The following MDN1 variants were observed in gnomAD, a reference collection of about 807,000 sequenced individuals.
The protein encoded by MDN1 is midasin.
In MDN1, 266 loss-of-function variants were observed where a neutral mutation model predicts 669.2. The observed-to-expected ratio is 0.40, with a 90% CI of 0.36 to 0.44. The LOEUF (loss-of-function observed/expected upper bound fraction) is 0.44, where lower values mean the gene tolerates loss of function less well. Ranked by LOEUF, MDN1 falls within the 20% of genes least tolerant of loss-of-function variation. The pLI is 1.00. For synonymous variants in MDN1, 2,385 were observed against 2,457.1 expected (o/e 0.97, Z 0.87); for missense variants, 5,940 against 6,754.0 (o/e 0.88, Z 4.22).
chr6:89,815,338 GC>G (rs1302464962), intron 1 of MDN1: 2 of 477,470 alleles, frequency 4.2e-6, no homozygotes, highest in Admixed American at 4.6e-5. Context: ...GCTGGATGAA[GC>G]CATTATGGCG....
At chr6:89,644,463 T>G (rs1808352212) in intron 101 of MDN1, among the ~76,000 whole-genome samples, 1 of 152,170 alleles carries the variant, frequency 6.6e-6, no homozygotes, top group Non-Finnish European at 1.5e-5. Flanking sequence ...CAGTGGTGTC[T>G]CCCCATCATC....
intron 50 of MDN1, 120 bp from the exon 51 acceptor site, chr6:89,708,748 A>T (rs1813686997): frequency 1.9e-6 from 2 of 1,059,576 alleles, no homozygotes; most frequent in Non-Finnish European, 2.8e-6. Flanking sequence ...GATGGGGAAG[A>T]GGTTGAACCA....
intron 36 of MDN1, 67 bp from the exon 37 acceptor site, chr6:89,728,022 T>A: frequency 6.6e-7 from 1 of 1,515,014 alleles, no homozygotes; most frequent in Non-Finnish European, 8.9e-7. Flanking sequence ...TCTAACACCC[T>A]AAATCTGAAA....
chr6:89,752,399 G>A (rs567597013), intron 22 of MDN1, among the ~76,000 whole-genome samples: 1 of 152,244 alleles, frequency 6.6e-6, no homozygotes, highest in Non-Finnish European at 1.5e-5. Flanking sequence ...ACAATTTACC[G>A]AAAGTATTTA....
In MDN1 at chr6:89,644,162, A is replaced by C; in HGVS notation, c.16634T>G (p.Phe5545Cys). ...DSILDIKVPI[F>C]KGPGEMPEIR... The stretch of plus-strand genomic sequence containing the variant: ...TTCAGGCATCTCTCCAGGTCCTTTA[A>C]ATATCGGTACTTTAATGTCCAAGAT... The change falls in exon 102 of 102, where the codon TTT (phenylalanine) becomes TGT (cysteine). Residue 5545 changes from phenylalanine (F) to cysteine (C), a missense_variant. By Grantham distance (205) the Phe-to-Cys change is radical. Transcript: ENST00000369393. 6.2e-7 allele frequency: 1 copy of C among 1,612,670 alleles called. No individual in the cohort carries two copies. The highest frequency in any genetic ancestry group is 8.5e-7 in the Non-Finnish European group (1 of 1,179,556).
intron 68 of MDN1, 82 bp downstream of exon 68, chr6:89,687,262 A>G: frequency 7.4e-7 from 1 of 1,347,542 alleles, no homozygotes; most frequent in South Asian, 1.3e-5. Context: ...GTAATACTAT[A>G]TAAATCCTAA....
In MDN1 at chr6:89,694,118, G is replaced by T. The variant is rs781028589; in HGVS notation, c.9837C>A (p.Asp3279Glu). The change falls in exon 62 of 102, where the codon GAC (aspartate) becomes GAA (glutamate). Residue 3279 changes from aspartate to glutamate, a missense_variant. Physicochemically the swap from Asp to Glu is conservative, Grantham distance 45 (BLOSUM62 2). Transcript: ENST00000369393. Reference sequence around the variant, plus strand: ...AGCTGACAACGACTTCATCTTCCAGGTCTCTTCCAGTCTGCAGCTGGGATG... The same window carrying T: ...AGCTGACAACGACTTCATCTTCCAGTTCTCTTCCAGTCTGCAGCTGGGATG... Reference protein sequence around the residue: ...NLSSQLQTGRDLEDEVVVSYS... With the variant: ...NLSSQLQTGRELEDEVVVSYS... The T allele has an allele frequency of 1.6e-5, 26 of 1,614,066 alleles. No individual in the cohort carries two copies. The highest frequency in any genetic ancestry group is 2.1e-5 in the Non-Finnish European group (25 of 1,180,034).
Position 89,674,526 on chromosome 6 carries a change from C to A in MDN1, c.12825G>T (p.Val4275=). Residue 4275 remains valine, a synonymous_variant, in exon 79 of 102, where the codon GTG becomes GTT. Transcript: ENST00000369393. ...GCACGCCATCCTGAGGGGGGAAGGC[C>A]ACGGGGTAGGCCTGGGGCCCCATCA... The part of the protein sequence containing the change: ...SRLMGPQAYP[V]AFPPQDGVQQ... 1.9e-6 allele frequency: 3 copies of A among 1,606,418 alleles called. No individual in the cohort carries two copies. Among genetic ancestry groups the A allele is most frequent in the Non-Finnish European group, 2.5e-6 (3 of 1,179,356 alleles).
intron 45 of MDN1, 92 bp from the exon 46 acceptor site, chr6:89,714,843 A>G (rs894620758): frequency 4.0e-6 from 4 of 993,314 alleles, no homozygotes; most frequent in African/African-American, 3.3e-5. Flanking sequence ...GGCAAATCCT[A>G]TGTGGCTCAT....
chr6:89,776,854 A>G (rs1359430792), intron 11 of MDN1, among the ~76,000 whole-genome samples, 159 bp from the exon 12 acceptor site: 1 of 152,224 alleles, frequency 6.6e-6, no homozygotes, highest in African/African-American at 2.4e-5. Flanking sequence ...CCCAGGACTG[A>G]GGACCTGACC....
Position 89,667,885 on chromosome 6 carries a change from A to G in MDN1, c.14094+129T>C, listed in dbSNP as rs1810373868. On this transcript the variant is annotated intron_variant, in intron 84 of 101. Transcript: ENST00000369393. The stretch of plus-strand genomic sequence containing the variant: ...TTACACCCACTGCCGAAGCACCAAT[A>G]TATCTAGGGCTCTGTAGATCACAGA... 3.7e-6 allele frequency: 4 copies of G among 1,084,334 alleles called. No individual in the cohort carries two copies. The South Asian group carries it at 1.2e-4, about 32-fold the overall frequency. 67.2% of individuals were successfully genotyped at this position (1,084,334 alleles called of 1,614,324 possible).
intron 1 of MDN1, among the ~76,000 whole-genome samples, chr6:89,809,597 G>A (rs547421899): frequency 2.6e-5 from 4 of 151,798 alleles, no homozygotes; most frequent in Admixed American, 6.6e-5. Flanking sequence ...CCAACATAGC[G>A]AAACCCCATC....
chr6:89,740,930 T>C (rs985269886), intron 31 of MDN1, among the ~76,000 whole-genome samples: 1 of 152,176 alleles, frequency 6.6e-6, no homozygotes, highest in African/African-American at 2.4e-5. Context: ...ATGATGGAAA[T>C]GTTGTAAAAC....
rs372939067 is a variant in MDN1, at chr6:89,676,153, G to A, written c.12594C>T (p.Arg4198=). The A allele has an allele frequency of 8.7e-6, 14 of 1,614,090 alleles. No individual in the cohort carries two copies. Among genetic ancestry groups the A allele is most frequent in the African/African-American group, 5.3e-5 (4 of 74,936 alleles). The change falls in exon 77 of 102, where the codon CGC becomes CGT. Residue 4198 remains arginine, a synonymous_variant. Transcript: ENST00000369393. ...TAAGCCTGGCATGCCGTGCAAGAGA[G>A]CGATAAAAATACTTCTGGCATCCAT... The part of the protein sequence containing the change: ...SWDGCQKYFY[R]SLARHARLNA...
At chr6:89,799,918 C>T (rs372320582) in intron 2 of MDN1, among the ~76,000 whole-genome samples, 1 of 152,162 alleles carries the variant, frequency 6.6e-6, no homozygotes, top group East Asian at 1.9e-4. Flanking sequence ...TTCAATCACA[C>T]CTGAGTTTAT....
chr6:89,803,098 C>G (rs565612740), intron 2 of MDN1, among the ~76,000 whole-genome samples: 1 of 152,332 alleles, frequency 6.6e-6, no homozygotes, highest in African/African-American at 2.4e-5. Flanking sequence ...TCCTGGCCAT[C>G]TTTCCAGGTC....
intron 27 of MDN1, among the ~76,000 whole-genome samples, chr6:89,746,083 G>T (rs976919399): frequency 6.6e-6 from 1 of 152,168 alleles, no homozygotes; most frequent in African/African-American, 2.4e-5. Flanking sequence ...ATACTGCATG[G>T]TGTCAGCTAG....
intron 89 of MDN1, 22 bp from the exon 90 acceptor site, chr6:89,658,392 C>T (rs926393507): frequency 1.2e-6 from 2 of 1,613,754 alleles, no homozygotes; most frequent in East Asian, 2.2e-5. Context: ...AAATCAAACA[C>T]AGCATTAAAT....
Position 89,652,258 on chromosome 6 carries a change from C to T in MDN1, c.15849G>A (p.Glu5283=), listed in dbSNP as rs1808927999. The part of the protein sequence containing the change: ...IFQPFLKDVN[E]LRQELERQLE... ...GCTGTCTCTCCAGCTCCTGTCTTAG[C>T]TCATTGACATCTTTTAAAAAGGGCT... Residue 5283 remains glutamate (E), a synonymous_variant, in exon 95 of 102, where the codon GAG becomes GAA. Transcript: ENST00000369393. 1 of 1,613,810 alleles carries T rather than the reference C, an allele frequency of 6.2e-7. No homozygotes were observed.
Sources: allele counts gnomAD v4.1 joint callset (sites outside exome capture counted in the v4.1 genomes callset), GRCh38; gene constraint gnomAD v4.1.1; transcripts MANE v1.5; gene names NCBI Gene and HGNC (gene_info 2026-07-23, HGNC 2026-07-21).